Variants in CRYBG1 observed in about 807,000 individuals in gnomAD.
The protein encoded by CRYBG1 is crystallin beta-gamma domain containing 1.
Under a neutral mutation model 189.2 loss-of-function variants are expected in CRYBG1, and 139 were observed. The observed-to-expected ratio is 0.73, with a 90% CI of 0.64 to 0.85. The LOEUF is 0.85. Ranked by LOEUF, CRYBG1 falls within the 40% of genes least tolerant of loss-of-function variation. The pLI is 0.00. For missense variants in CRYBG1, 2,611 were observed against 2,675.8 expected, an observed-to-expected ratio of 0.98 and a Z score of 0.53; for synonymous variants, 1,023 against 1,017.1, an observed-to-expected ratio of 1.01 and a Z score of -0.11.
At chr6:106,419,986 T>C (rs1353085109) in intron 1 of CRYBG1, among the ~76,000 whole-genome samples, 2 of 152,254 alleles carry the variant, frequency 1.3e-5, no homozygotes, top group Non-Finnish European at 2.9e-5. Context: ...TGGGTCTTCC[T>C]GAATCTAGCA....
chr6:106,409,671 C>G (rs1168479953), intron 1 of CRYBG1, among the ~76,000 whole-genome samples: 1 of 152,224 alleles, frequency 6.6e-6, no homozygotes, highest in East Asian at 1.9e-4. Flanking sequence ...GGTACCAAAA[C>G]AGATATATAG....
chr6:106,519,651 A>G lies in CRYBG1; in HGVS notation c.2443A>G (p.Lys815Glu). The G allele has an allele frequency of 1.2e-6, 2 of 1,614,146 alleles. No homozygotes were observed. The highest frequency in any genetic ancestry group is 1.7e-5 in the Admixed American group (1 of 60,024). The change falls in exon 4 of 22, where the codon AAG becomes GAG. Residue 815 changes from lysine (K) to glutamate (E), a missense_variant. Transcript: ENST00000633556. ...IPVKDHKLLE[K>E]EDSEAADSKS... ...TGTCAAGGATCATAAGCTCTTAGAG[A>G]AGGAGGACTCAGAGGCTGCAGACAG...
rs753872390 is a variant in CRYBG1, at chr6:106,527,455, C to G, written c.4563C>G (p.Ile1521Met). 7 of 1,611,188 alleles carry G rather than the reference C, an allele frequency of 4.3e-6. No homozygotes were observed. The South Asian group carries it at 7.7e-5, about 18-fold the overall frequency. ...ATAAGCCAGTGGTGATTGGTTCCAT[C>G]AGACATGTGGTTCAGGTAGGTTGTG... ...ESDKPVVIGS[I>M]RHVVQDYRVS... Residue 1521 changes from isoleucine (I) to methionine (M), a missense_variant, in exon 7 of 22, where the codon ATC (isoleucine) becomes ATG (methionine). Physicochemically the swap from Ile to Met is conservative, Grantham distance 10. Coordinates refer to ENST00000633556, the MANE Select transcript of CRYBG1 (RefSeq NM_001371242.2).
intron 1 of CRYBG1, among the ~76,000 whole-genome samples, chr6:106,417,687 C>T (rs1771050335): frequency 6.6e-6 from 1 of 152,230 alleles, no homozygotes; most frequent in Admixed American, 6.5e-5. Context: ...CTTGGCCTGC[C>T]ACACTCAGTC....
In CRYBG1 at chr6:106,450,143, G is replaced by A. The variant is rs533148046; in HGVS notation, c.174-1551G>A. 6.6e-5 allele frequency among the ~76,000 whole-genome samples: 10 copies of A among 151,756 alleles called. No homozygotes were observed. The East Asian group carries it at 1.4e-3, about 21-fold the overall frequency. On this transcript the variant is annotated intron_variant, in intron 1 of 21. Coordinates refer to ENST00000633556, the MANE Select transcript of CRYBG1 (RefSeq NM_001371242.2). ...TGAGGCAGGAGCATCACTTGAACCC[G>A]GGAGGTGGAGGTTGCAGTGAGCTGA...
At chr6:106,548,393 G>C (rs1774312853) in intron 13 of CRYBG1, among the ~76,000 whole-genome samples, 1 of 152,190 alleles carries the variant, frequency 6.6e-6, no homozygotes, top group South Asian at 2.1e-4. Flanking sequence ...TCCAGCTTCA[G>C]CTTCAGTGAA....
chr6:106,436,191 C>T (rs6906263), intron 1 of CRYBG1, among the ~76,000 whole-genome samples: 112,414 of 151,656 alleles, frequency 0.74, 42,688 homozygotes, highest in African/African-American at 0.91. Context: ...ACAGAAAGAA[C>T]AGAAATCAGT....
chr6:106,478,414 T>C (rs1227930545), intron 2 of CRYBG1, among the ~76,000 whole-genome samples: 1 of 152,246 alleles, frequency 6.6e-6, no homozygotes, highest in Non-Finnish European at 1.5e-5. Flanking sequence ...TAAAATCTTA[T>C]GCTGAAAGTA....
intron 4 of CRYBG1, among the ~76,000 whole-genome samples, chr6:106,524,326 G>T (rs905479331): frequency 6.6e-6 from 1 of 152,106 alleles, no homozygotes; most frequent in Non-Finnish European, 1.5e-5. Context: ...ACTTTGGGAG[G>T]CTGAGGCAGG....
At chr6:106,399,672 C>G (rs201076480) in intron 1 of CRYBG1, among the ~76,000 whole-genome samples, 1 of 47,948 alleles carries the variant, frequency 2.1e-5, no homozygotes, top group African/African-American at 8.8e-5. Flanking sequence ...TTTTTTTTTT[C>G]TTGAGACAGG....
chr6:106,524,389 C>T (rs1773686182), intron 4 of CRYBG1, among the ~76,000 whole-genome samples: 1 of 151,976 alleles, frequency 6.6e-6, no homozygotes, highest in African/African-American at 2.4e-5. Flanking sequence ...GGTGAAACCC[C>T]ATCTCTACTA....
At chr6:106,459,354 G>A (rs947999552) in intron 2 of CRYBG1, among the ~76,000 whole-genome samples, 1 of 151,934 alleles carries the variant, frequency 6.6e-6, no homozygotes, top group African/African-American at 2.4e-5. Context: ...GAAGAGCATG[G>A]TAATATATTT....
chr6:106,448,718 C>T (rs903756732), intron 1 of CRYBG1, among the ~76,000 whole-genome samples: 6 of 152,180 alleles, frequency 3.9e-5, no homozygotes, highest in Non-Finnish European at 7.3e-5. Flanking sequence ...CATCGACATC[C>T]ATTTCTACCC....
intron 2 of CRYBG1, among the ~76,000 whole-genome samples, chr6:106,483,401 T>TATATATATACATATATATATA: frequency 1.0e-5 from 1 of 95,598 alleles, no homozygotes; most frequent in East Asian, 3.8e-4. Context: ...GATATATATA[T>TATATATATACATATATATATA]AAAACATTTT....
chr6:106,518,487 G>A (rs1272777456), intron 3 of CRYBG1, among the ~76,000 whole-genome samples: 7 of 152,202 alleles, frequency 4.6e-5, no homozygotes, highest in African/African-American at 1.7e-4. Context: ...GCCTTAAGAT[G>A]TCTTCCAACT....
At chr6:106,499,794 T>C (rs1772960995) in intron 2 of CRYBG1, among the ~76,000 whole-genome samples, 1 of 152,202 alleles carries the variant, frequency 6.6e-6, no homozygotes, top group African/African-American at 2.4e-5. Flanking sequence ...ATTGAAACCA[T>C]ATATCCTTTG....
intron 1 of CRYBG1, among the ~76,000 whole-genome samples, chr6:106,431,353 C>A (rs895948412): frequency 6.6e-6 from 1 of 152,138 alleles, no homozygotes; most frequent in African/African-American, 2.4e-5. Flanking sequence ...ATTCTTTCCT[C>A]ACACAGTCTT....
At chr6:106,437,673 T>C (rs1364428132) in intron 1 of CRYBG1, among the ~76,000 whole-genome samples, 1 of 152,184 alleles carries the variant, frequency 6.6e-6, no homozygotes, top group Admixed American at 6.5e-5. Flanking sequence ...TTGGGCTCAA[T>C]TGATCCTCCT....
intron 1 of CRYBG1, among the ~76,000 whole-genome samples, chr6:106,450,604 C>G (rs184634008): frequency 5.3e-5 from 8 of 152,322 alleles, no homozygotes; most frequent in African/African-American, 1.9e-4. Context: ...TCTAACACAA[C>G]AAGAACTCCA....
Sources: allele counts gnomAD v4.1 joint callset (sites outside exome capture counted in the v4.1 genomes callset), GRCh38; gene constraint gnomAD v4.1.1; transcripts MANE v1.5; gene names NCBI Gene and HGNC (gene_info 2026-07-23, HGNC 2026-07-21).